Variants in PCDHGB1 observed in about 807,000 individuals in gnomAD.
PCDHGB1 encodes the protein protocadherin gamma-B1.
Under a neutral mutation model 56.6 loss-of-function variants are expected in PCDHGB1, and 34 were observed. That is an observed-to-expected ratio of 0.60 (90% confidence interval 0.46 to 0.80). The LOEUF (loss-of-function observed/expected upper bound fraction) is 0.80. PCDHGB1 is among the 30% of genes least tolerant of loss of function. PCDHGB1 has a pLI of 0.00. For synonymous variants in PCDHGB1, 561 were observed against 505.9 expected (o/e 1.11, Z -1.46); for missense variants, 1,278 against 1,204.6 (o/e 1.06, Z -0.90).
chr5:141,400,106 T>A (rs771937544), intron 1 of PCDHGB1: 1 of 1,613,950 alleles, frequency 6.2e-7, no homozygotes, highest in African/African-American at 1.3e-5. Context: ...CACTTGGTCT[T>A]TGCTGACAGC....
chr5:141,470,597 T>A (rs1309687738), intron 1 of PCDHGB1, among the ~76,000 whole-genome samples: 5 of 152,216 alleles, frequency 3.3e-5, no homozygotes, highest in Non-Finnish European at 7.3e-5. Flanking sequence ...AGGCGACCTG[T>A]GCGGGGACAC....
At chr5:141,372,808 A>G in intron 1 of PCDHGB1, 1 of 1,589,102 alleles carries the variant, frequency 6.3e-7, no homozygotes, top group South Asian at 1.1e-5. Flanking sequence ...AATTTGCAAA[A>G]GGTGAGTTTC....
intron 2 of PCDHGB1, among the ~76,000 whole-genome samples, chr5:141,496,639 C>A (rs752903356): frequency 6.6e-6 from 1 of 152,222 alleles, no homozygotes; most frequent in Non-Finnish European, 1.5e-5. Flanking sequence ...TTGGGCTGCC[C>A]TTGCCCTTCC....
intron 1 of PCDHGB1, among the ~76,000 whole-genome samples, chr5:141,480,768 A>G (rs1371582817): frequency 6.6e-6 from 1 of 152,162 alleles, no homozygotes; most frequent in African/African-American, 2.4e-5. Flanking sequence ...TCCCCACTTG[A>G]TCCTAATGTG....
intron 1 of PCDHGB1, chr5:141,378,226 T>C (rs1774724615): frequency 6.6e-6 from 1 of 152,206 alleles, no homozygotes; most frequent in Admixed American, 6.5e-5. Context: ...TGCCTGATAG[T>C]ATTTAAGAGT....
At chr5:141,507,262 G>A (rs1294679320) in intron 3 of PCDHGB1, 6 of 151,748 alleles carry the variant, frequency 4.0e-5, no homozygotes, top group Non-Finnish European at 8.8e-5. Flanking sequence ...TAAACAGCAA[G>A]TACTATTTCA....
At chr5:141,415,589 T>A in intron 1 of PCDHGB1, 1 of 1,614,062 alleles carries the variant, frequency 6.2e-7, no homozygotes, top group East Asian at 2.2e-5. Flanking sequence ...AAGTTTCCTA[T>A]AGAGGATACC....
chr5:141,358,015 C>A (rs563635829), intron 1 of PCDHGB1, among the ~76,000 whole-genome samples: 2 of 152,188 alleles, frequency 1.3e-5, no homozygotes, highest in African/African-American at 4.8e-5. Flanking sequence ...CATGGTGAAA[C>A]CCAGTCTCTA....
At chr5:141,363,029 C>T (rs139317097) in intron 1 of PCDHGB1, among the ~76,000 whole-genome samples, 7 of 152,336 alleles carry the variant, frequency 4.6e-5, no homozygotes, top group African/African-American at 1.7e-4. Context: ...GACATTGTCC[C>T]ATTGACTTGA....
At chr5:141,452,106 CTCT>C (rs748460925) in intron 1 of PCDHGB1, among the ~76,000 whole-genome samples, 12 of 152,096 alleles carry the variant, frequency 7.9e-5, no homozygotes, top group South Asian at 4.1e-4. Flanking sequence ...GCTTTCTTTT[CTCT>C]TCTTATTTAT....
At chr5:141,414,242 T>TA in intron 1 of PCDHGB1, 2 of 1,613,538 alleles carry the variant, frequency 1.2e-6, no homozygotes, top group Non-Finnish European at 1.7e-6. Context: ...ATCACGTCTC[T>TA]ATTTAGTCCA....
chr5:141,410,435 G>C (rs772158163), intron 1 of PCDHGB1: 5 of 1,614,054 alleles, frequency 3.1e-6, no homozygotes, highest in Non-Finnish European at 4.2e-6. Flanking sequence ...CAACTACAGT[G>C]AGGGGACTTT....
chr5:141,385,545 A>G, intron 1 of PCDHGB1: 1 of 1,319,590 alleles, frequency 7.6e-7, no homozygotes, highest in Non-Finnish European at 9.7e-7. Flanking sequence ...TATGTGGACT[A>G]TCACATTTTA....
intron 1 of PCDHGB1, chr5:141,417,619 C>A: frequency 1.5e-6 from 1 of 656,120 alleles, no homozygotes; most frequent in South Asian, 2.4e-5. Flanking sequence ...CAGTGCAGAG[C>A]AAGCGCTGAC....
chr5:141,399,775 G>T, intron 1 of PCDHGB1: 3 of 1,613,282 alleles, frequency 1.9e-6, no homozygotes, highest in Non-Finnish European at 2.5e-6. Context: ...GTTGGTGGGC[G>T]ACCGAAACGA....
In PCDHGB1 at chr5:141,476,476, C is replaced by T; in HGVS notation, c.2410-18331C>T. 6.2e-7 allele frequency: 1 copy of T among 1,613,986 alleles called. No homozygotes were observed. The highest frequency in any genetic ancestry group is 8.5e-7 in the Non-Finnish European group (1 of 1,179,992). On this transcript the variant is annotated intron_variant, in intron 1 of 3. Transcript: ENST00000523390. The surrounding 1 kb of genome is among the most constrained non-coding windows in gnomAD (Gnocchi z 7.6). Reference sequence around the variant, plus strand: ...TGGAGAACCCGCTGGAGCTGTTCAGCGTGGAAGTGGTGATCCAGGACATCA... The same window carrying T: ...TGGAGAACCCGCTGGAGCTGTTCAGTGTGGAAGTGGTGATCCAGGACATCA...
At chr5:141,505,332 A>C in intron 2 of PCDHGB1, 61 bp from the exon 3 acceptor site, 1 of 1,610,872 alleles carries the variant, frequency 6.2e-7, no homozygotes, top group South Asian at 1.1e-5. Flanking sequence ...GGGAGAGGAC[A>C]GGAGGGGCAT....
rs1167955962 is a variant in PCDHGB1, at chr5:141,477,078, A to G, written c.2410-17729A>G. ...GAGGACACCAAACTCCATGAGATTT[A>G]CATCCAGGCCAAAGACAAGGGCGCC... On this transcript the variant is annotated intron_variant, in intron 1 of 3. Transcript: ENST00000523390. This position sits in a 1 kb window ranked among gnomAD's most constrained non-coding sequence, Gnocchi z 4.9. The G allele has an allele frequency of 6.8e-6, 11 of 1,614,262 alleles. No individual in the cohort carries two copies. In the South Asian group the frequency reaches 1.2e-4, roughly 18 times the overall value.
intron 1 of PCDHGB1, chr5:141,387,892 G>C (rs2091136247): frequency 6.5e-7 from 1 of 1,550,258 alleles, no homozygotes; most frequent in African/African-American, 1.4e-5. Context: ...GGGATGGGGA[G>C]CGGCGCCGGG....
Sources: allele counts gnomAD v4.1 joint callset (sites outside exome capture counted in the v4.1 genomes callset), GRCh38; gene constraint gnomAD v4.1.1; non-coding constraint Gnocchi (gnomAD v3.1); transcripts MANE v1.5; gene names NCBI Gene and HGNC (gene_info 2026-07-23, HGNC 2026-07-21).